Variants in ARHGAP24 observed in about 807,000 individuals in gnomAD.
The protein encoded by ARHGAP24 is rho GTPase-activating protein 24.
Under a neutral mutation model 76.4 loss-of-function variants are expected in ARHGAP24, and 50 were observed. That is an observed-to-expected ratio of 0.65 (90% CI 0.52 to 0.83). The LOEUF (loss-of-function observed/expected upper bound fraction) is 0.83, where lower values mean the gene tolerates loss of function less well. ARHGAP24 is among the 40% of genes least tolerant of loss of function. The probability of loss-of-function intolerance (pLI) is 0.00; values close to 1 mark genes in which losing one functional copy is unlikely to be tolerated. For synonymous variants in ARHGAP24, 345 were observed against 323.3 expected, an observed-to-expected ratio of 1.07 and a Z score of -0.72; for missense variants, 930 against 914.2, an observed-to-expected ratio of 1.02 and a Z score of -0.22.
intron 2 of ARHGAP24, among the ~76,000 whole-genome samples, chr4:85,647,122 C>T (rs990502255): frequency 2.0e-5 from 3 of 151,932 alleles, no homozygotes; most frequent in African/African-American, 7.3e-5. Context: ...TTTCTAGTAG[C>T]TGAAATGGGG....
At chr4:85,877,453 C>T (rs1733000549) in intron 3 of ARHGAP24, among the ~76,000 whole-genome samples, 1 of 151,848 alleles carries the variant, frequency 6.6e-6, no homozygotes, top group Admixed American at 6.6e-5. Context: ...TGCAAAATCC[C>T]ATCTCTACAA....
At chr4:85,882,867 G>A (rs1165347788) in intron 3 of ARHGAP24, among the ~76,000 whole-genome samples, 1 of 152,172 alleles carries the variant, frequency 6.6e-6, no homozygotes, top group Non-Finnish European at 1.5e-5. Flanking sequence ...AACAGAATTT[G>A]CCCAGAGCAG....
At position 85,875,060 on chromosome 4, in the gene ARHGAP24, T is replaced by A. The variant is rs992925519; in HGVS notation, c.269-48588T>A. Reference sequence around the variant, plus strand: ...CTATATTATTTATATATAATATATTTGTTTTATATATTATATTATATATAA... The same window carrying A: ...CTATATTATTTATATATAATATATTAGTTTTATATATTATATTATATATAA... On this transcript the variant is annotated intron_variant, in intron 3 of 9. Transcript: ENST00000395184. 0.071 allele frequency among the ~76,000 whole-genome samples: 123 copies of A among 1,726 alleles called. 12 individuals are homozygous for A. In the East Asian group the frequency reaches 1, roughly 14 times the overall value. The allele number at this position is 1,726 out of a possible 152,430, so 1.1% of individuals were successfully genotyped here. A position where few individuals can be genotyped will look rare whatever the true frequency, so the allele number is the denominator to read the frequency against.
intron 1 of ARHGAP24, among the ~76,000 whole-genome samples, chr4:85,535,472 A>G (rs960684484): frequency 1.3e-5 from 2 of 152,234 alleles, no homozygotes; most frequent in Admixed American, 1.3e-4. Flanking sequence ...GGAGGTCTAG[A>G]GATAGAAAAA....
intron 2 of ARHGAP24, among the ~76,000 whole-genome samples, chr4:85,663,345 T>C (rs1304033162): frequency 7.9e-6 from 1 of 126,982 alleles, no homozygotes; most frequent in South Asian, 2.4e-4. Context: ...ATAAGAATGC[T>C]TGTGATTTTT....
At chr4:85,924,612 T>C (rs893039) in intron 4 of ARHGAP24, 25,219 of 151,852 alleles carry the variant, frequency 0.17, 2,288 homozygotes, top group South Asian at 0.34. Flanking sequence ...TCCATTCTTT[T>C]GTATATTGTC....
chr4:85,504,786 T>C (rs1324795112), intron 1 of ARHGAP24, among the ~76,000 whole-genome samples: 1 of 152,192 alleles, frequency 6.6e-6, no homozygotes, highest in Admixed American at 6.5e-5. Flanking sequence ...TTATTTTGCC[T>C]GTTAATTGAT....
rs531387117 is a variant in ARHGAP24 at position 85,555,013 on chromosome 4, G to T, written c.-20-15509G>T. 3.3e-5 allele frequency among the ~76,000 whole-genome samples: 5 copies of T among 152,148 alleles called. No homozygotes were observed. In the South Asian group the frequency reaches 1.0e-3, roughly 32 times the overall value. The stretch of plus-strand genomic sequence containing the variant: ...CTTATAGTGGCTATTTCATCTAACT[G>T]CTCCTGTATCATATTTTATTGTAAT... On this transcript the variant is annotated intron_variant, in intron 1 of 9. Coordinates refer to ENST00000395184, the MANE Select transcript of ARHGAP24 (RefSeq NM_001025616.3).
In ARHGAP24 at chr4:85,590,494, G is replaced by A. The variant is rs140719994; in HGVS notation, c.180+19773G>A. Among the ~76,000 whole-genome samples the A allele has an allele frequency of 8.4e-3, 1,270 of 151,972 alleles. 20 individuals are homozygous for A. The highest frequency in any genetic ancestry group is 0.029 in the African/African-American group (1,213 of 41,408). On this transcript the variant is annotated intron_variant, in intron 2 of 9. Transcript: ENST00000395184. Reference sequence around the variant, plus strand: ...CCTGCTCCAGCATCCCGAGTAGTTGGGACTACAGGTGCATGCCACCACGCC... The same window carrying A: ...CCTGCTCCAGCATCCCGAGTAGTTGAGACTACAGGTGCATGCCACCACGCC...
chr4:85,745,467 G>A (rs1442850539), intron 3 of ARHGAP24, among the ~76,000 whole-genome samples: 1 of 140,224 alleles, frequency 7.1e-6, no homozygotes, highest in Non-Finnish European at 1.6e-5. Flanking sequence ...CTGTGCACCT[G>A]TGGTTCTCAG....
At chr4:85,931,131 G>GA in intron 4 of ARHGAP24, 1 of 1,383,304 alleles carries the variant, frequency 7.2e-7, no homozygotes, top group Non-Finnish European at 9.8e-7. Context: ...GATAAAATGG[G>GA]AGTTTGGAAA....
intron 3 of ARHGAP24, among the ~76,000 whole-genome samples, chr4:85,875,856 T>C (rs1732901226): frequency 6.6e-6 from 1 of 151,148 alleles, no homozygotes; most frequent in East Asian, 1.9e-4. Flanking sequence ...ATTTTCCTGC[T>C]TCAGCCTCCC....
intron 3 of ARHGAP24, among the ~76,000 whole-genome samples, chr4:85,750,494 T>C (rs975107078): frequency 9.9e-4 from 99 of 100,092 alleles, no homozygotes; most frequent in Admixed American, 1.8e-3. Context: ...CCTTTTTTTT[T>C]TTTTTTTTTT....
At chr4:85,878,212 G>T (rs2601849) in intron 3 of ARHGAP24, among the ~76,000 whole-genome samples, 129,467 of 152,112 alleles carry the variant, frequency 0.85, 55,363 homozygotes, top group East Asian at 0.96. Context: ...GATGATGGTA[G>T]ATAGATATGT....
At chr4:85,851,588 A>G (rs938800079) in intron 3 of ARHGAP24, among the ~76,000 whole-genome samples, 1 of 152,152 alleles carries the variant, frequency 6.6e-6, no homozygotes, top group Non-Finnish European at 1.5e-5. Flanking sequence ...GGCTGGTACC[A>G]GTTGTTCCTT....
chr4:85,604,508 G>A (rs1720128876), intron 2 of ARHGAP24, among the ~76,000 whole-genome samples: 1 of 152,200 alleles, frequency 6.6e-6, no homozygotes, highest in African/African-American at 2.4e-5. Flanking sequence ...CCATTAAAAT[G>A]TTCTTCTACA....
At chr4:85,764,126 G>A (rs1459485372) in intron 3 of ARHGAP24, among the ~76,000 whole-genome samples, 1 of 151,954 alleles carries the variant, frequency 6.6e-6, no homozygotes, top group African/African-American at 2.4e-5. Flanking sequence ...AACAATGAGA[G>A]TTTCTGGAAG....
At chr4:85,716,612 A>G (rs2110038912) in intron 2 of ARHGAP24, among the ~76,000 whole-genome samples, 1 of 152,248 alleles carries the variant, frequency 6.6e-6, no homozygotes, top group East Asian at 1.9e-4. Context: ...ACTTACTTAG[A>G]AAACTCAAGA....
intron 2 of ARHGAP24, among the ~76,000 whole-genome samples, chr4:85,626,930 G>T (rs1412824426): frequency 6.6e-6 from 1 of 152,060 alleles, no homozygotes; most frequent in African/African-American, 2.4e-5. Flanking sequence ...GCTCCATCAG[G>T]TCCTTTATGG....
Sources: allele counts gnomAD v4.1 joint callset (sites outside exome capture counted in the v4.1 genomes callset), GRCh38; gene constraint gnomAD v4.1.1; transcripts MANE v1.5; gene names NCBI Gene and HGNC (gene_info 2026-07-23, HGNC 2026-07-21).